KCNK10: variants seen among roughly 807,000 people sequenced by gnomAD.
KCNK10 encodes potassium two pore domain channel subfamily K member 10, also known as potassium channel subfamily K member 10.
Under a neutral mutation model 47.7 loss-of-function variants are expected in KCNK10, and 25 were observed. That is an observed-to-expected ratio of 0.52 (90% CI 0.38 to 0.73). The LOEUF (loss-of-function observed/expected upper bound fraction) is 0.73. Ranked by LOEUF, KCNK10 falls within the 30% of genes least tolerant of loss-of-function variation. The pLI is 0.00. For missense variants in KCNK10, 563 were observed against 714.5 expected, an observed-to-expected ratio of 0.79 and a Z score of 2.42; for synonymous variants, 303 against 285.6, an observed-to-expected ratio of 1.06 and a Z score of -0.61.
At chr14:88,198,894 T>TATTTTATTTTATTTTATTTTATTTC (rs1885009414) in intron 4 of KCNK10, among the ~76,000 whole-genome samples, 1 of 136,248 alleles carries the variant, frequency 7.3e-6, no homozygotes, top group East Asian at 2.0e-4. Context: ...TCCTTTGTCT[T>TATTTTATTTTATTTTATTTTATTTC]ATTTTATTTT....
chr14:88,187,788 T>C (rs1462057630), intron 6 of KCNK10, among the ~76,000 whole-genome samples, 179 bp downstream of exon 6: 7 of 152,114 alleles, frequency 4.6e-5, no homozygotes, highest in Non-Finnish European at 1.0e-4. Context: ...GAAATAACTG[T>C]ATTCTATTCT....
chr14:88,268,382 G>A (rs1653600720), intron 1 of KCNK10, among the ~76,000 whole-genome samples: 1 of 152,168 alleles, frequency 6.6e-6, no homozygotes, highest in Admixed American at 6.5e-5. Context: ...CCAGTTAGAG[G>A]CCTGTAGGCG....
chr14:88,243,264 C>A (rs921584194), intron 2 of KCNK10, among the ~76,000 whole-genome samples: 3 of 152,230 alleles, frequency 2.0e-5, no homozygotes, highest in Admixed American at 6.5e-5. Flanking sequence ...CTTTCTACAA[C>A]TTGTGTGTGA....
intron 4 of KCNK10, among the ~76,000 whole-genome samples, chr14:88,204,402 A>C (rs568144304): frequency 6.6e-6 from 1 of 152,318 alleles, no homozygotes; most frequent in East Asian, 1.9e-4. Context: ...CTGAGCCTTC[A>C]GGATCCCAGG....
chr14:88,253,622 C>A (rs778953686), intron 2 of KCNK10, among the ~76,000 whole-genome samples: 1 of 152,038 alleles, frequency 6.6e-6, no homozygotes, highest in African/African-American at 2.4e-5. Flanking sequence ...AATCCTTAGC[C>A]GGCACAGTGG....
intron 2 of KCNK10, among the ~76,000 whole-genome samples, chr14:88,253,243 A>T (rs981951779): frequency 1.6e-4 from 25 of 152,220 alleles, no homozygotes; most frequent in African/African-American, 6.0e-4. Context: ...ATAGGGAAGG[A>T]TTTGTTAAAC....
At position 88,186,184 on chromosome 14, in the gene KCNK10, T is replaced by C; in HGVS notation, c.1012-29A>G. On this transcript the variant is annotated intron_variant, in intron 6 of 6. Coordinates refer to ENST00000319231, the MANE Select transcript of KCNK10 (RefSeq NM_138317.3). The surrounding 1 kb of genome is among the most constrained non-coding windows in gnomAD (Gnocchi z 5.5). ...GCCAAGAGACAGAAGAGCAACAATATGCTGACAAATGCCTCCCTGCCTTGG... is the reference window on the plus strand; with the variant it reads ...GCCAAGAGACAGAAGAGCAACAATACGCTGACAAATGCCTCCCTGCCTTGG... 4 of 1,542,770 alleles carry C rather than the reference T, an allele frequency of 2.6e-6. No homozygotes were observed. Among genetic ancestry groups the C allele is most frequent in the Non-Finnish European group, 3.5e-6 (4 of 1,143,988 alleles).
At chr14:88,240,965 T>C in intron 2 of KCNK10, 145 bp from the exon 3 acceptor site, 1 of 552,900 alleles carries the variant, frequency 1.8e-6, no homozygotes, top group South Asian at 2.4e-5. Context: ...TGGATGATGG[T>C]AGCATCCCAA....
intron 2 of KCNK10, among the ~76,000 whole-genome samples, chr14:88,257,365 C>T (rs894814782): frequency 3.9e-5 from 6 of 152,210 alleles, no homozygotes; most frequent in Non-Finnish European, 8.8e-5. Flanking sequence ...CTCATTTCCA[C>T]GTACTCTCAT....
upstream of KCNK10, among the ~76,000 whole-genome samples, chr14:88,324,638 C>T (rs1888625379): frequency 6.6e-6 from 1 of 152,104 alleles, no homozygotes; most frequent in South Asian, 2.1e-4. Context: ...CCATAAGGTC[C>T]TGTTAGATTG....
chr14:88,272,162 A>G lies in KCNK10; in HGVS notation c.53-8611T>C, dbSNP rs150564867. On this transcript the variant is annotated intron_variant, in intron 1 of 6. Coordinates refer to ENST00000319231, the MANE Select transcript of KCNK10 (RefSeq NM_138317.3). ...CTCCTCCCTGGAAAGGGACAGAAGC[A>G]GTAGCACTATTGGGAAGATTTAACA... Among the ~76,000 whole-genome samples the G allele has an allele frequency of 7.2e-5, 11 of 152,332 alleles. No homozygotes were observed. The East Asian group carries it at 2.1e-3, about 29-fold the overall frequency.
intron 4 of KCNK10, among the ~76,000 whole-genome samples, chr14:88,214,720 A>G (rs1416692651): frequency 2.0e-5 from 3 of 152,264 alleles, no homozygotes; most frequent in Non-Finnish European, 2.9e-5. Flanking sequence ...GAACTAAAGC[A>G]GATACATAAA....
chr14:88,298,654 T>C (rs1888035652), intron 1 of KCNK10, among the ~76,000 whole-genome samples: 1 of 152,318 alleles, frequency 6.6e-6, no homozygotes, highest in African/African-American at 2.4e-5. Context: ...TACTCACAAA[T>C]TCATTGTTTC....
At chr14:88,208,196 C>A (rs954751799) in intron 4 of KCNK10, among the ~76,000 whole-genome samples, 1 of 152,144 alleles carries the variant, frequency 6.6e-6, no homozygotes, top group Non-Finnish European at 1.5e-5. Context: ...AATTTGAATT[C>A]AAGACATTTC....
chr14:88,198,904 T>TATTTC (rs1885009974), intron 4 of KCNK10, among the ~76,000 whole-genome samples: 1 of 146,512 alleles, frequency 6.8e-6, no homozygotes, highest in Admixed American at 6.8e-5. Context: ...TATTTTATTT[T>TATTTC]ATTTTATTTT....
chr14:88,322,868 G>A lies in KCNK10; in HGVS notation c.-70C>T, dbSNP rs532184164. On this transcript the variant is annotated 5_prime_UTR_variant, in exon 1 of 7. Transcript: ENST00000319231. The surrounding 1 kb of genome is among the most constrained non-coding windows in gnomAD (Gnocchi z 4.8). ...ATAATAAAGTCCTCAAGCTTTACAC[G>A]CCTCGGTTTAGCAGTCCAACAAAAC... 2.5e-6 allele frequency: 4 copies of A among 1,611,410 alleles called. No individual in the cohort carries two copies. Among genetic ancestry groups the A allele is most frequent in the East Asian group, 4.5e-5 (2 of 44,804 alleles).
At chr14:88,227,604 C>CT in intron 3 of KCNK10, 69 bp from the exon 4 acceptor site, 6 of 1,460,242 alleles carry the variant, frequency 4.1e-6, no homozygotes, top group Non-Finnish European at 5.5e-6. Context: ...AACTCACAGA[C>CT]TTTTTTAAAA....
At chr14:88,272,664 T>A (rs922685868) in intron 1 of KCNK10, among the ~76,000 whole-genome samples, 3 of 151,818 alleles carry the variant, frequency 2.0e-5, no homozygotes, top group African/African-American at 7.3e-5. Flanking sequence ...TGGGAAGCCA[T>A]CAAGGCTAAC....
chr14:88,326,879 G>C (rs571188635), upstream of KCNK10: 1 of 197,440 alleles, frequency 5.1e-6, no homozygotes, highest in Non-Finnish European at 1.0e-5. Flanking sequence ...GCCCGGGGTA[G>C]CTGTGAGACC....
Sources: gnomAD v4.1 joint callset for allele counts (sites outside exome capture counted in the v4.1 genomes callset) on GRCh38, gnomAD v4.1.1 for gene constraint, Gnocchi (gnomAD v3.1) non-coding constraint, MANE v1.5 for transcripts, NCBI Gene and HGNC (gene_info 2026-07-23, HGNC 2026-07-21) for gene names.